Variants in UGGT2 observed in about 807,000 individuals in gnomAD.
UGGT2 encodes the protein UDP-glucose glycoprotein glucosyltransferase 2.
A neutral mutation model predicts 192.1 loss-of-function variants in UGGT2; 180 were observed. The ratio of observed to expected loss-of-function variants is 0.94; its 90% CI spans 0.83 to 1.06. UGGT2 has a LOEUF of 1.06. Among genes scored for constraint, UGGT2 ranks in the 50% least tolerant of loss-of-function variants. UGGT2 has a pLI of 0.00. For synonymous variants in UGGT2, 580 were observed against 591.0 expected (o/e 0.98, Z 0.27); for missense variants, 1,849 against 1,795.7 (o/e 1.03, Z -0.54).
At chr13:95,873,516 T>C (rs1023315932) in intron 29 of UGGT2, among the ~76,000 whole-genome samples, 1 of 152,160 alleles carries the variant, frequency 6.6e-6, no homozygotes, top group African/African-American at 2.4e-5. Context: ...GGGCTTCTGT[T>C]GTCCTGCCTT....
intron 36 of UGGT2, among the ~76,000 whole-genome samples, chr13:95,844,775 CTTTTA>C (rs1266755014): frequency 1.3e-5 from 2 of 152,030 alleles, no homozygotes; most frequent in African/African-American, 2.4e-5. Flanking sequence ...ATCTGGATGC[CTTTTA>C]TTTTTTTTCT....
chr13:95,807,043 A>G (rs753802472), intron 38 of UGGT2, among the ~76,000 whole-genome samples: 1 of 152,194 alleles, frequency 6.6e-6, no homozygotes, highest in African/African-American at 2.4e-5. Flanking sequence ...AAATCCACAT[A>G]TAACTTTTGA....
In UGGT2 at chr13:95,905,517, C is replaced by T. The variant is rs532652219; in HGVS notation, c.2296-2457G>A. The stretch of plus-strand genomic sequence containing the variant: ...TCCAGTTTCAGCTTTCTACATATGG[C>T]TAGCCAGTTTTCCCAGCACCATTTA... On this transcript the variant is annotated intron_variant, in intron 20 of 38. Coordinates refer to ENST00000376747, the MANE Select transcript of UGGT2 (RefSeq NM_020121.4). Among the ~76,000 whole-genome samples the T allele has an allele frequency of 1.8e-4, 28 of 151,772 alleles. 1 individual carries two copies. The highest frequency in any genetic ancestry group is 1.2e-3 in the Admixed American group (19 of 15,234).
chr13:95,902,506 G>A (rs138828170), intron 21 of UGGT2, among the ~76,000 whole-genome samples: 1 of 151,522 alleles, frequency 6.6e-6, no homozygotes, highest in African/African-American at 2.4e-5. Context: ...GTTTCTTCAA[G>A]AGGATCATCG....
intron 38 of UGGT2, among the ~76,000 whole-genome samples, chr13:95,812,233 T>G (rs1566534302): frequency 6.6e-6 from 1 of 152,228 alleles, no homozygotes; most frequent in African/African-American, 2.4e-5. Context: ...ATAATTTTCA[T>G]GTACCACAAG....
At chr13:95,940,212 C>A in intron 15 of UGGT2, 121 bp from the exon 16 acceptor site, 1 of 560,372 alleles carries the variant, frequency 1.8e-6, no homozygotes, top group Non-Finnish European at 2.8e-6. Flanking sequence ...TACACATACA[C>A]ACATACCACA....
chr13:95,831,865 C>G (rs747772957), intron 38 of UGGT2, among the ~76,000 whole-genome samples: 13 of 151,848 alleles, frequency 8.6e-5, no homozygotes, highest in Non-Finnish European at 1.5e-4. Flanking sequence ...TTCCTTCTCT[C>G]CCTCCTCCCT....
chr13:96,045,331 T>C (rs913188949), intron 1 of UGGT2, among the ~76,000 whole-genome samples: 1 of 152,094 alleles, frequency 6.6e-6, no homozygotes, highest in Non-Finnish European at 1.5e-5. Context: ...ACAAGGGACA[T>C]ACCTCAATGT....
intron 7 of UGGT2, 196 bp from the exon 8 acceptor site, chr13:95,990,269 T>C (rs2140897219): frequency 3.1e-6 from 1 of 322,588 alleles, no homozygotes; most frequent in South Asian, 8.2e-5. Context: ...GTCTCTTTTA[T>C]TAAATATATG....
chr13:95,903,142 T>C (rs2048161706), intron 20 of UGGT2, 82 bp from the exon 21 acceptor site: 6 of 1,346,298 alleles, frequency 4.5e-6, no homozygotes, highest in Non-Finnish European at 5.0e-6. Context: ...CCCATCCAGT[T>C]TGTTCACTGT....
At chr13:96,026,621 G>A (rs2052672081) in intron 2 of UGGT2, among the ~76,000 whole-genome samples, 2 of 147,500 alleles carry the variant, frequency 1.4e-5, no homozygotes, top group South Asian at 4.3e-4. Flanking sequence ...GCTTTAAACA[G>A]TTGACATATG....
intron 12 of UGGT2, among the ~76,000 whole-genome samples, chr13:95,967,859 T>G (rs775776760): frequency 6.6e-6 from 1 of 152,202 alleles, no homozygotes; most frequent in Admixed American, 6.5e-5. Context: ...TATTATTTCA[T>G]AGTGGTTATT....
Position 95,989,903 on chromosome 13 carries a change from T to C in UGGT2, c.931+70A>G, listed in dbSNP as rs1236467499. 6 of 952,370 alleles carry C rather than the reference T, an allele frequency of 6.3e-6. No homozygotes were observed. The East Asian group carries it at 7.7e-5, about 12-fold the overall frequency. 59.0% of individuals were successfully genotyped at this position (952,370 alleles called of 1,614,324 possible). The stretch of plus-strand genomic sequence containing the variant: ...ATAAAATAATCTATATCATGTGATA[T>C]ATAAAAGCTTATTTAACAAAACAGA... On this transcript the variant is annotated intron_variant, in intron 8 of 38. Coordinates refer to ENST00000376747, the MANE Select transcript of UGGT2 (RefSeq NM_020121.4).
chr13:95,963,965 C>G (rs1343054774), intron 12 of UGGT2, among the ~76,000 whole-genome samples: 1 of 151,992 alleles, frequency 6.6e-6, no homozygotes, highest in Non-Finnish European at 1.5e-5. Context: ...ATTAAGATAT[C>G]ATCATTTTTC....
At chr13:95,907,504 C>T (rs1425481409) in intron 20 of UGGT2, among the ~76,000 whole-genome samples, 2 of 152,152 alleles carry the variant, frequency 1.3e-5, no homozygotes, top group South Asian at 2.1e-4. Context: ...CAACAGGGGC[C>T]GACAGACACC....
rs868347491 is a variant in UGGT2 at position 95,993,288 on chromosome 13, T to C, written c.830+2775A>G. 5.3e-5 allele frequency among the ~76,000 whole-genome samples: 8 copies of C among 152,306 alleles called. No homozygotes were observed. The East Asian group carries it at 1.2e-3, about 22-fold the overall frequency. ...CTGAAAAACTACCTGTTGGGTACTA[T>C]GCTCACTACCTGGGTGATGGGATCA... On this transcript the variant is annotated intron_variant, in intron 7 of 38. Transcript: ENST00000376747.
At chr13:95,835,457 G>C (rs1227995600) in intron 37 of UGGT2, among the ~76,000 whole-genome samples, 1 of 152,094 alleles carries the variant, frequency 6.6e-6, no homozygotes, top group Non-Finnish European at 1.5e-5. Flanking sequence ...AATGTTCTTG[G>C]CCTCTCTTTA....
intron 1 of UGGT2, among the ~76,000 whole-genome samples, chr13:96,037,043 G>A (rs1408547591): frequency 2.0e-5 from 3 of 152,198 alleles, no homozygotes; most frequent in African/African-American, 7.2e-5. Context: ...AGAGAAAACA[G>A]TTATTTCTAC....
At chr13:95,881,520 T>C (rs764004117) in intron 27 of UGGT2, among the ~76,000 whole-genome samples, 1 of 151,776 alleles carries the variant, frequency 6.6e-6, no homozygotes, top group South Asian at 2.1e-4. Context: ...CATAATACAG[T>C]ATTATTTAGG....
Sources: gnomAD v4.1 joint callset for allele counts (sites outside exome capture counted in the v4.1 genomes callset) on GRCh38, gnomAD v4.1.1 for gene constraint, MANE v1.5 for transcripts, NCBI Gene and HGNC (gene_info 2026-07-23, HGNC 2026-07-21) for gene names.